BMPR1B: variants seen among roughly 807,000 people sequenced by gnomAD.
BMPR1B encodes the protein bone morphogenetic protein receptor type-1B.
BMPR1B carries 12 observed loss-of-function variants against 59.1 expected under a neutral mutation model. The ratio of observed to expected loss-of-function variants is 0.20; its 90% CI spans 0.13 to 0.33. The LOEUF (loss-of-function observed/expected upper bound fraction) is 0.33, where lower values mean the gene tolerates loss of function less well. Ranked by LOEUF, BMPR1B falls within the 10% of genes least tolerant of loss-of-function variation. BMPR1B has a pLI of 1.00. For missense variants in BMPR1B, 550 were observed against 610.9 expected (o/e 0.90, Z 1.05); for synonymous variants, 237 against 207.3 (o/e 1.14, Z -1.23).
In BMPR1B at chr4:95,123,856, G is replaced by A; in HGVS notation, c.396G>A (p.Val132=). ...ACCACAGGGCTTTACTTATATCTGT[G>A]ACTGTCTGTAGTTTGCTCTTGGTCC... ...PIHHRALLIS[V]TVCSLLLVLI... Residue 132 remains valine (V), a synonymous_variant, in exon 7 of 13, where the codon GTG becomes GTA. Transcript: ENST00000515059. 1.9e-6 allele frequency: 3 copies of A among 1,612,074 alleles called. No homozygotes were observed. Among genetic ancestry groups the A allele is most frequent in the Non-Finnish European group, 2.5e-6 (3 of 1,179,324 alleles).
At chr4:94,904,470 T>TA (rs1727957884) in intron 2 of BMPR1B, among the ~76,000 whole-genome samples, 1 of 152,042 alleles carries the variant, frequency 6.6e-6, no homozygotes, top group African/African-American at 2.4e-5. Context: ...ACTTATCCCT[T>TA]ACTTAAGTTA....
chr4:94,865,686 C>T (rs1339776568), intron 1 of BMPR1B, among the ~76,000 whole-genome samples: 1 of 152,162 alleles, frequency 6.6e-6, no homozygotes. Context: ...CCACTGCTCC[C>T]AGCTGCTGTT....
At chr4:95,097,092 CAT>C (rs939411671) in intron 3 of BMPR1B, among the ~76,000 whole-genome samples, 1 of 141,220 alleles carries the variant, frequency 7.1e-6, no homozygotes, top group Non-Finnish European at 1.5e-5. Flanking sequence ...TATATATTTA[CAT>C]ATAGTTATAT....
At chr4:95,084,448 T>G (rs886602585) in intron 3 of BMPR1B, among the ~76,000 whole-genome samples, 3 of 152,124 alleles carry the variant, frequency 2.0e-5, no homozygotes, top group Non-Finnish European at 2.9e-5. Context: ...TTTTTATCCC[T>G]CTATAATCTT....
At chr4:95,096,716 C>T (rs1730398410) in intron 3 of BMPR1B, among the ~76,000 whole-genome samples, 1 of 75,722 alleles carries the variant, frequency 1.3e-5, no homozygotes, top group African/African-American at 4.0e-5. Flanking sequence ...TATATAGAGG[C>T]ATATATAACT....
intron 1 of BMPR1B, among the ~76,000 whole-genome samples, chr4:94,818,155 T>C (rs1724077108): frequency 6.6e-6 from 1 of 152,234 alleles, no homozygotes; most frequent in Admixed American, 6.5e-5. Context: ...TTATTACTTT[T>C]TTAAAGGACT....
intron 2 of BMPR1B, among the ~76,000 whole-genome samples, chr4:94,881,989 C>T (rs182688325): frequency 6.6e-6 from 1 of 152,288 alleles, no homozygotes; most frequent in Non-Finnish European, 1.5e-5. Context: ...TTGGAAAATA[C>T]CCGATTCTCA....
At chr4:95,036,367 C>T (rs1007450225) in intron 3 of BMPR1B, among the ~76,000 whole-genome samples, 1 of 152,132 alleles carries the variant, frequency 6.6e-6, no homozygotes, top group Non-Finnish European at 1.5e-5. Context: ...ACCCCCAAAA[C>T]CCTTCCTAGT....
At chr4:94,786,851 C>T (rs898718349) in intron 1 of BMPR1B, among the ~76,000 whole-genome samples, 3 of 151,938 alleles carry the variant, frequency 2.0e-5, no homozygotes, top group Non-Finnish European at 4.4e-5. Context: ...GCCCACTTAG[C>T]TAATTTTTAA....
At chr4:95,061,426 CAAGT>C (rs1727386313) in intron 3 of BMPR1B, among the ~76,000 whole-genome samples, 1 of 152,048 alleles carries the variant, frequency 6.6e-6, no homozygotes, top group Non-Finnish European at 1.5e-5. Context: ...AATTTCCTTT[CAAGT>C]AAGAACGGAA....
At chr4:94,998,770 T>TA (rs758161628) in intron 3 of BMPR1B, among the ~76,000 whole-genome samples, 7 of 152,158 alleles carry the variant, frequency 4.6e-5, no homozygotes, top group Non-Finnish European at 8.8e-5. Context: ...TGCTTATAGA[T>TA]AAAGACCAGG....
At chr4:95,065,391 C>T (rs1434109814) in intron 3 of BMPR1B, among the ~76,000 whole-genome samples, 2 of 151,916 alleles carry the variant, frequency 1.3e-5, no homozygotes, top group Non-Finnish European at 2.9e-5. Flanking sequence ...AACTCTATGC[C>T]TATATTAAAA....
In BMPR1B at chr4:94,811,889, T is replaced by C. The variant is rs371362932; in HGVS notation, c.-183+53821T>C. Among the ~76,000 whole-genome samples, 3 of 152,206 alleles carry C rather than the reference T, an allele frequency of 2.0e-5. No individual in the cohort carries two copies. The East Asian group carries it at 5.8e-4, about 29-fold the overall frequency. Reference sequence around the variant, plus strand: ...CCATATAAACATAATTTTAGCATATTCTGCGATGTGGAAATTTATTTTTCA... The same window carrying C: ...CCATATAAACATAATTTTAGCATATCCTGCGATGTGGAAATTTATTTTTCA... On this transcript the variant is annotated intron_variant, in intron 1 of 12. Coordinates refer to ENST00000515059, the MANE Select transcript of BMPR1B (RefSeq NM_001203.3).
intron 10 of BMPR1B, among the ~76,000 whole-genome samples, chr4:95,137,006 G>T (rs1005176734): frequency 1.3e-5 from 2 of 152,124 alleles, no homozygotes; most frequent in South Asian, 2.1e-4. Flanking sequence ...TGATGTTAGG[G>T]TATCAGTTTT....
Position 94,871,104 on chromosome 4 carries a change from G to GA in BMPR1B, c.-182-4723dup, listed in dbSNP as rs576557564. Among the ~76,000 whole-genome samples the GA allele has an allele frequency of 3.8e-3, 579 of 152,250 alleles. 5 individuals are homozygous for GA. The highest frequency in any genetic ancestry group is 0.013 in the African/African-American group (544 of 41,548). On this transcript the variant is annotated intron_variant, in intron 1 of 12. Coordinates refer to ENST00000515059, the MANE Select transcript of BMPR1B (RefSeq NM_001203.3). ...GGCATTATCCCAATTTTACAGATGAGAAAACCAGGGGTTAGAGAAGTTAAG... is the reference window on the plus strand; with the variant it reads ...GGCATTATCCCAATTTTACAGATGAGAAAAACCAGGGGTTAGAGAAGTTAAG...
intron 1 of BMPR1B, among the ~76,000 whole-genome samples, chr4:94,838,197 C>T (rs1724900622): frequency 9.3e-6 from 1 of 107,836 alleles, no homozygotes; most frequent in Non-Finnish European, 1.9e-5. Flanking sequence ...CAATGTTCAT[C>T]AAGGATATTG....
Position 95,040,532 on chromosome 4 carries a change from T to C in BMPR1B, c.-18+44398T>C, listed in dbSNP as rs193277397. ...ATAAATGGCAAGTGGGTAATAGAGA[T>C]TTTGATTTTCTGCTTAGGGATGCTT... On this transcript the variant is annotated intron_variant, in intron 3 of 12. Transcript: ENST00000515059. Among the ~76,000 whole-genome samples, 5 of 152,286 alleles carry C rather than the reference T, an allele frequency of 3.3e-5. No individual in the cohort carries two copies. The East Asian group carries it at 9.7e-4, about 29-fold the overall frequency.
At chr4:94,967,162 A>G (rs557549766) in intron 2 of BMPR1B, among the ~76,000 whole-genome samples, 1 of 152,196 alleles carries the variant, frequency 6.6e-6, no homozygotes, top group Non-Finnish European at 1.5e-5. Flanking sequence ...GAATTAAGGG[A>G]TAGTTTCCTC....
At chr4:94,943,955 A>G (rs1729611747) in intron 2 of BMPR1B, among the ~76,000 whole-genome samples, 1 of 152,204 alleles carries the variant, frequency 6.6e-6, no homozygotes. Context: ...TAAATCCAAA[A>G]TGCTCCAAAA....
Sources: gnomAD v4.1 joint callset for allele counts (sites outside exome capture counted in the v4.1 genomes callset) on GRCh38, gnomAD v4.1.1 for gene constraint, MANE v1.5 for transcripts, NCBI Gene and HGNC (gene_info 2026-07-23, HGNC 2026-07-21) for gene names.